CELF6: variants seen among roughly 807,000 people sequenced by gnomAD.
CELF6 encodes the protein Bruno -like 6, RNA binding protein.
Under a neutral mutation model 53.1 loss-of-function variants are expected in CELF6, and 32 were observed. The ratio of observed to expected loss-of-function variants is 0.60; its 90% CI spans 0.46 to 0.81. The LOEUF (loss-of-function observed/expected upper bound fraction) is 0.81, where lower values mean the gene tolerates loss of function less well. CELF6 is among the 30% of genes least tolerant of loss of function. The probability of loss-of-function intolerance (pLI) is 0.00; values close to 1 mark genes in which losing one functional copy is unlikely to be tolerated. For missense variants in CELF6, 539 were observed against 669.5 expected (o/e 0.81, Z 2.15); for synonymous variants, 291 against 288.8 (o/e 1.01, Z -0.08).
At chr15:72,295,844 T>A (rs1191945018) in intron 3 of CELF6, among the ~76,000 whole-genome samples, 1 of 152,170 alleles carries the variant, frequency 6.6e-6, no homozygotes, top group Non-Finnish European at 1.5e-5. Flanking sequence ...TCTACAGATT[T>A]AATGTAATCT....
rs776776022 is a variant in CELF6, at chr15:72,289,967, C to T, written c.575G>A (p.Arg192Gln). The T allele has an allele frequency of 7.6e-6, 12 of 1,581,498 alleles. No homozygotes were observed. In the East Asian group the frequency reaches 2.3e-4, roughly 31 times the overall value. ...GSQGEAQAAI[R>Q]GLHGSRTMAG... is the part of the protein sequence containing the mutation. ...CATGGTCCGGCTGCCGTGCAGACCC[C>T]GGATGGCCGCCTGAGCTTCCCCTTG... is the stretch of plus-strand genomic sequence containing the variant. Residue 192 changes from arginine to glutamine, a missense_variant, in exon 5 of 13, where the codon CGG (arginine) becomes CAG (glutamine). Transcript: ENST00000287202. This position sits in a 1 kb window ranked among gnomAD's most constrained non-coding sequence, Gnocchi z 7.6.
At chr15:72,307,209 T>A (rs1432648157) in intron 2 of CELF6, among the ~76,000 whole-genome samples, 1 of 152,142 alleles carries the variant, frequency 6.6e-6, no homozygotes. Context: ...CTGGGTTTCC[T>A]GGGAGATGGT....
At chr15:72,314,302 CT>C (rs2088334354) in intron 2 of CELF6, among the ~76,000 whole-genome samples, 2 of 152,152 alleles carry the variant, frequency 1.3e-5, no homozygotes, top group Admixed American at 6.5e-5. Context: ...TGATCCGAAT[CT>C]TGCCTTCTGG....
intron 11 of CELF6, 77 bp from the exon 12 acceptor site, chr15:72,287,469 T>C (rs1260859786): frequency 6.4e-7 from 1 of 1,560,860 alleles, no homozygotes; most frequent in Non-Finnish European, 8.8e-7. Context: ...AGCCCCCTCC[T>C]CTTCCAGCCC....
At chr15:72,316,916 G>T (rs1016882150) in intron 1 of CELF6, among the ~76,000 whole-genome samples, 3 of 152,166 alleles carry the variant, frequency 2.0e-5, no homozygotes, top group Admixed American at 1.3e-4. Flanking sequence ...AAGTCCAAAG[G>T]GTTGAGTAAT....
At chr15:72,287,790 C>T (rs2087941853) in intron 11 of CELF6, among the ~76,000 whole-genome samples, 1 of 152,124 alleles carries the variant, frequency 6.6e-6, no homozygotes, top group Admixed American at 6.5e-5. Context: ...TGGCCACATT[C>T]CTGGTGGACA....
In CELF6 at chr15:72,289,942, C is replaced by T. The variant is rs2087983520; in HGVS notation, c.600G>A (p.Met200Ile). Residue 200 changes from methionine to isoleucine, a missense_variant, in exon 5 of 13, where the codon ATG becomes ATA. Transcript: ENST00000287202. This position sits in a 1 kb window ranked among gnomAD's most constrained non-coding sequence, Gnocchi z 7.6. Reference protein sequence around the residue: ...AIRGLHGSRTMAGASSSLVVK... With the variant: ...AIRGLHGSRTIAGASSSLVVK... ...AGCCCAGGGAACCCGCCCTCACCGCCATGGTCCGGCTGCCGTGCAGACCCC... is the reference window on the plus strand; with the variant it reads ...AGCCCAGGGAACCCGCCCTCACCGCTATGGTCCGGCTGCCGTGCAGACCCC... The T allele has an allele frequency of 1.9e-6, 3 of 1,565,786 alleles. No homozygotes were observed. Among genetic ancestry groups the T allele is most frequent in the South Asian group, 1.2e-5 (1 of 85,534 alleles).
At chr15:72,309,140 TG>T (rs1431764183) in intron 2 of CELF6, among the ~76,000 whole-genome samples, 1 of 152,192 alleles carries the variant, frequency 6.6e-6, no homozygotes, top group Non-Finnish European at 1.5e-5. Flanking sequence ...CTCAAACTTC[TG>T]GGCTCAAGCG....
intron 2 of CELF6, among the ~76,000 whole-genome samples, chr15:72,307,065 G>T: frequency 6.6e-6 from 1 of 152,010 alleles, no homozygotes; most frequent in East Asian, 1.9e-4. Context: ...GAAGCCTGGG[G>T]TGGGGGGCAG....
At chr15:72,292,431 G>A (rs2088017679) in intron 3 of CELF6, among the ~76,000 whole-genome samples, 1 of 152,242 alleles carries the variant, frequency 6.6e-6, no homozygotes. Flanking sequence ...CTGGAGAAGA[G>A]TCTAGGGCCT....
intron 2 of CELF6, among the ~76,000 whole-genome samples, chr15:72,314,589 G>GTTTTTTTTTTTTTTTTTTTTTTTTT (rs984879836): frequency 4.1e-5 from 4 of 97,844 alleles, no homozygotes; most frequent in African/African-American, 1.9e-4. Flanking sequence ...AAAACCCAGT[G>GTTTTTTTTTTTTTTTTTTTTTTTTT]TTTTTTTTTT....
At position 72,319,959 on chromosome 15, in the gene CELF6, G is replaced by C. The variant is rs578103992; in HGVS notation, c.-85C>G. The C allele has an allele frequency of 2.9e-6, 4 of 1,371,446 alleles. No individual in the cohort carries two copies. In the African/African-American group the frequency reaches 4.6e-5, roughly 16 times the overall value. The allele number at this position is 1,371,446 out of a possible 1,614,324, so 85.0% of individuals were successfully genotyped here. ...TCCCTGGACCGGTGGCGAGGGCCAG[G>C]GGGAGGGGGCGGAGCCCGGGCGGAG... On this transcript the variant is annotated 5_prime_UTR_variant, in exon 1 of 13. Coordinates refer to ENST00000287202, the MANE Select transcript of CELF6 (RefSeq NM_052840.5). This position sits in a 1 kb window ranked among gnomAD's most constrained non-coding sequence, Gnocchi z 5.0.
At chr15:72,316,147 C>A (rs904283464) in intron 1 of CELF6, among the ~76,000 whole-genome samples, 5 of 152,198 alleles carry the variant, frequency 3.3e-5, no homozygotes, top group African/African-American at 4.8e-5. Flanking sequence ...TCCTGGCATC[C>A]TGCCCAGAGA....
intron 3 of CELF6, among the ~76,000 whole-genome samples, chr15:72,298,012 T>G (rs2088101711): frequency 6.6e-6 from 1 of 152,212 alleles, no homozygotes; most frequent in African/African-American, 2.4e-5. Flanking sequence ...CAATCTTAGT[T>G]GGAAAATACT....
rs777739798 is a variant in CELF6, at chr15:72,288,918, C to T, written c.1043G>A (p.Gly348Asp). 3.7e-5 allele frequency: 57 copies of T among 1,550,568 alleles called. No homozygotes were observed. Among genetic ancestry groups the T allele is most frequent in the Admixed American group, 2.0e-5 (1 of 50,974 alleles). ...GLSPYPAQSP[G>D]VADPLQQAYA... ...GGCCTGCTGCAGGGGGTCAGCCACGCCGGGGCTCTGGGCTGGGGAGAGAGG... is the reference window on the plus strand; with the variant it reads ...GGCCTGCTGCAGGGGGTCAGCCACGTCGGGGCTCTGGGCTGGGGAGAGAGG... Residue 348 changes from glycine to aspartate, a missense_variant, in exon 9 of 13, where the codon GGC (glycine) becomes GAC (aspartate). By Grantham distance (94) the Gly-to-Asp change is moderately conservative. Coordinates refer to ENST00000287202, the MANE Select transcript of CELF6 (RefSeq NM_052840.5). The surrounding 1 kb of genome is among the most constrained non-coding windows in gnomAD (Gnocchi z 4.6).
At chr15:72,303,791 G>A (rs1174256629) in intron 3 of CELF6, among the ~76,000 whole-genome samples, 2 of 152,154 alleles carry the variant, frequency 1.3e-5, no homozygotes, top group Non-Finnish European at 1.5e-5. Flanking sequence ...CAGCTTGGAA[G>A]CTGGCCAGAA....
chr15:72,288,975 G>A lies in CELF6; in HGVS notation c.1031-45C>T, dbSNP rs1293901402. The A allele has an allele frequency of 9.3e-6, 14 of 1,513,180 alleles. No homozygotes were observed. Among genetic ancestry groups the A allele is most frequent in the Admixed American group, 8.0e-5 (4 of 50,128 alleles). 93.7% of individuals were successfully genotyped at this position (1,513,180 alleles called of 1,614,324 possible). On this transcript the variant is annotated intron_variant, in intron 8 of 12. Coordinates refer to ENST00000287202, the MANE Select transcript of CELF6 (RefSeq NM_052840.5). This position sits in a 1 kb window ranked among gnomAD's most constrained non-coding sequence, Gnocchi z 4.6. ...AGGCCCACAGTGAAGGCAAGCGGGC[G>A]AGCAGAGTGGGTGAGAAGCTCAGGG...
At chr15:72,315,127 TGCTCTGTTCTAGACACACC>T (rs1302529627) in intron 2 of CELF6, among the ~76,000 whole-genome samples, 1 of 152,234 alleles carries the variant, frequency 6.6e-6, no homozygotes, top group Non-Finnish European at 1.5e-5. Context: ...ATTTAAACAG[TGCTCTGTTCTAGACACACC>T]GCTTCTTGGA....
At position 72,289,322 on chromosome 15, in the gene CELF6, A is replaced by G. The variant is rs761720927; in HGVS notation, c.881-35T>C. ...GAAAAGGTCTGAGAGTCAGGCCGCC[A>G]CCCCGCCCCGCCCGGCCCCTCCCAG... On this transcript the variant is annotated intron_variant, in intron 7 of 12. Coordinates refer to ENST00000287202, the MANE Select transcript of CELF6 (RefSeq NM_052840.5). This position sits in a 1 kb window ranked among gnomAD's most constrained non-coding sequence, Gnocchi z 7.6. 2.0e-6 allele frequency: 3 copies of G among 1,528,556 alleles called. No individual in the cohort carries two copies. The African/African-American group carries it at 4.1e-5, about 21-fold the overall frequency. 94.7% of individuals were successfully genotyped at this position (1,528,556 alleles called of 1,614,324 possible). A position where few individuals can be genotyped will look rare whatever the true frequency, so the allele number is the denominator to read the frequency against.
Sources: allele counts gnomAD v4.1 joint callset (sites outside exome capture counted in the v4.1 genomes callset), GRCh38; gene constraint gnomAD v4.1.1; non-coding constraint Gnocchi (gnomAD v3.1); transcripts MANE v1.5; gene names NCBI Gene and HGNC (gene_info 2026-07-23, HGNC 2026-07-21).